SREBF1: variants seen among roughly 807,000 people sequenced by gnomAD.
SREBF1 encodes sterol regulatory element binding transcription factor 1.
A neutral mutation model predicts 100.1 loss-of-function variants in SREBF1; 45 were observed. The observed-to-expected ratio is 0.45, with a 90% CI of 0.35 to 0.58. SREBF1 has a LOEUF of 0.58. Ranked by LOEUF, SREBF1 falls within the 20% of genes least tolerant of loss-of-function variation. SREBF1 has a pLI of 0.00. For missense variants in SREBF1, 1,324 were observed against 1,539.4 expected (o/e 0.86, Z 2.34); for synonymous variants, 657 against 681.8 (o/e 0.96, Z 0.57).
At position 17,829,191 on chromosome 17, in the gene SREBF1, T is replaced by TAA. The variant is rs1253225038; in HGVS notation, c.91+7534_91+7535dup. 4.9e-4 allele frequency among the ~76,000 whole-genome samples: 22 copies of TAA among 44,940 alleles called. 1 individual carries two copies. Among genetic ancestry groups the TAA allele is most frequent in the Middle Eastern group, 0.02 (2 of 102 alleles). 29.5% of individuals were successfully genotyped at this position (44,940 alleles called of 152,430 possible). On this transcript the variant is annotated intron_variant, in intron 1 of 18. Coordinates refer to ENST00000261646, the MANE Select transcript of SREBF1 (RefSeq NM_004176.5). ...CTGGTGACAGAACGAGACTCCATCT[T>TAA]AAAAAAAAAAAAAAATATATATATA...
chr17:17,821,082 T>C (rs1016176699), intron 1 of SREBF1, among the ~76,000 whole-genome samples: 1 of 152,060 alleles, frequency 6.6e-6, no homozygotes, highest in Non-Finnish European at 1.5e-5. Context: ...ATGTGGATGG[T>C]GGTAAACTTT....
At chr17:17,833,666 T>C (rs1183607908) in intron 1 of SREBF1, among the ~76,000 whole-genome samples, 6 of 151,788 alleles carry the variant, frequency 4.0e-5, no homozygotes, top group African/African-American at 1.2e-4. Flanking sequence ...ACATAAAGTA[T>C]ACCTCAATAA....
Position 17,811,555 on chromosome 17 carries a change from G to T in SREBF1, c.*1067C>A, listed in dbSNP as rs926386884. 1.3e-5 allele frequency: 4 copies of T among 318,578 alleles called. No individual in the cohort carries two copies. Among genetic ancestry groups the T allele is most frequent in the African/African-American group, 4.7e-5 (2 of 42,254 alleles). The allele number at this position is 318,578 out of a possible 1,614,324, so 19.7% of individuals were successfully genotyped here. On this transcript the variant is annotated 3_prime_UTR_variant, in exon 19 of 19. Coordinates refer to ENST00000261646, the MANE Select transcript of SREBF1 (RefSeq NM_004176.5). The stretch of plus-strand genomic sequence containing the variant: ...AGGGGCTGGGGGGGGGGGCATGAAT[G>T]GAGTCAGGGAGTCGGCCTTTCACAG...
chr17:17,815,233 G>T lies in SREBF1; in HGVS notation c.2480C>A (p.Ala827Asp). Reference sequence around the variant, plus strand: ...CAACGACACTTACTTGTCCCCATCAGCTGACCCAGGGCTGGGGTTGGGCTG... The same window carrying T: ...CAACGACACTTACTTGTCCCCATCATCTGACCCAGGGCTGGGGTTGGGCTG... ...VTQPNPSPGS[A>D]DGDKEFSDAL... is the part of the protein sequence containing the mutation. Residue 827 changes from alanine to aspartate, a missense_variant, in exon 13 of 19, where the codon GCT becomes GAT. Coordinates refer to ENST00000261646, the MANE Select transcript of SREBF1 (RefSeq NM_004176.5). 6.2e-7 allele frequency: 1 copy of T among 1,613,490 alleles called. No homozygotes were observed. The highest frequency in any genetic ancestry group is 8.5e-7 in the Non-Finnish European group (1 of 1,179,860).
rs2033992919 is a variant in SREBF1, at chr17:17,820,211, G to T, written c.402C>A (p.Thr134=). ...EESVPLSILQ[T]PTPQPLPGAL... is the part of the protein sequence containing the mutation. ...CCCCTGGCAGGGGCTGTGGGGTGGG[G>T]GTCTGCAGGATGCTCAGTGGCACTG... Residue 134 remains threonine, a synonymous_variant, in exon 2 of 19, where the codon ACC becomes ACA. Coordinates refer to ENST00000261646, the MANE Select transcript of SREBF1 (RefSeq NM_004176.5). 8 of 1,613,562 alleles carry T rather than the reference G, an allele frequency of 5.0e-6. No individual in the cohort carries two copies. Among genetic ancestry groups the T allele is most frequent in the Non-Finnish European group, 6.8e-6 (8 of 1,179,908 alleles).
chr17:17,816,073 G>A (rs2033531998), intron 11 of SREBF1, 45 bp from the exon 12 acceptor site: 5 of 1,602,492 alleles, frequency 3.1e-6, no homozygotes, highest in East Asian at 2.2e-5. Context: ...ACAGCCTGGG[G>A]CCAGACCCCG....
rs750707066 is a variant in SREBF1 at position 17,817,363 on chromosome 17, C to G, written c.1499G>C (p.Cys500Ser). 3 of 1,607,552 alleles carry G rather than the reference C, an allele frequency of 1.9e-6. No homozygotes were observed. The highest frequency in any genetic ancestry group is 2.7e-5 in the African/African-American group (2 of 74,820). Residue 500 changes from cysteine to serine, a missense_variant, in exon 8 of 19, where the codon TGC (cysteine) becomes TCC (serine). Cys to Ser is a moderately radical substitution (Grantham distance 112). Transcript: ENST00000261646. The surrounding 1 kb of genome is among the most constrained non-coding windows in gnomAD (Gnocchi z 6.6). Reference sequence around the variant, plus strand: ...CCCCAGCAAGGAGGCCAAGGGGTTGCAGGACAGGCAGAGGAAGACGAGCGT... The same window carrying G: ...CCCCAGCAAGGAGGCCAAGGGGTTGGAGGACAGGCAGAGGAAGACGAGCGT... ...LCTLVFLCLS[C>S]NPLASLLGAR... is the part of the protein sequence containing the mutation.
chr17:17,831,736 C>T (rs1463493736), intron 1 of SREBF1, among the ~76,000 whole-genome samples: 1 of 152,210 alleles, frequency 6.6e-6, no homozygotes, highest in African/African-American at 2.4e-5. Flanking sequence ...TACTCTGAGG[C>T]CCAGAAGGAG....
Position 17,820,355 on chromosome 17 carries a change from G to A in SREBF1, c.258C>T (p.Phe86=), listed in dbSNP as rs762129149. The A allele has an allele frequency of 6.8e-6, 11 of 1,613,100 alleles. No individual in the cohort carries two copies. In the Admixed American group the frequency reaches 1.8e-4, roughly 27 times the overall value. ...PATLSSSLEA[F]LSGPQAAPSP... Reference sequence around the variant, plus strand: ...AGGGCGCTGCCTGCGGCCCGCTCAGGAAGGCTTCAAGAGAGGAGCTCAATG... The same window carrying A: ...AGGGCGCTGCCTGCGGCCCGCTCAGAAAGGCTTCAAGAGAGGAGCTCAATG... The change falls in exon 2 of 19, where the codon TTC becomes TTT. Residue 86 remains phenylalanine (F), a synonymous_variant. Coordinates refer to ENST00000261646, the MANE Select transcript of SREBF1 (RefSeq NM_004176.5).
At chr17:17,830,733 G>A (rs554120561) in intron 1 of SREBF1, among the ~76,000 whole-genome samples, 11 of 152,316 alleles carry the variant, frequency 7.2e-5, no homozygotes, top group African/African-American at 2.4e-4. Context: ...AACCCAGCAG[G>A]GGACCCACAC....
chr17:17,820,797 C>A, intron 1 of SREBF1: 1 of 503,020 alleles, frequency 2.0e-6, no homozygotes, highest in East Asian at 3.7e-5. Flanking sequence ...CACAATCTTG[C>A]CCCACAGCTA....
At chr17:17,816,124 C>T in intron 11 of SREBF1, 83 bp downstream of exon 11, 2 of 1,498,288 alleles carry the variant, frequency 1.3e-6, no homozygotes, top group Non-Finnish European at 1.8e-6. Flanking sequence ...CTGGTAACCA[C>T]TGCCACATCC....
chr17:17,829,781 G>A (rs1284476240), intron 1 of SREBF1, among the ~76,000 whole-genome samples: 1 of 152,110 alleles, frequency 6.6e-6, no homozygotes, highest in African/African-American at 2.4e-5. Flanking sequence ...CTCCTGAGTA[G>A]CTGGGACGAC....
chr17:17,835,117 GC>G (rs1340894996), intron 1 of SREBF1, among the ~76,000 whole-genome samples: 8 of 152,186 alleles, frequency 5.3e-5, no homozygotes, highest in Non-Finnish European at 1.0e-4. Flanking sequence ...GGGTGAGAGG[GC>G]TTGAGCAGGA....
In SREBF1 at chr17:17,817,768, G is replaced by A. The variant is rs1472661141; in HGVS notation, c.1332C>T (p.Gly444=). 2 of 1,613,806 alleles carry A rather than the reference G, an allele frequency of 1.2e-6. No individual in the cohort carries two copies. The highest frequency in any genetic ancestry group is 3.3e-5 in the Admixed American group (2 of 60,018). Residue 444 remains glycine (G), a synonymous_variant, in exon 7 of 19, where the codon GGC becomes GGT. Transcript: ENST00000261646. This position sits in a 1 kb window ranked among gnomAD's most constrained non-coding sequence, Gnocchi z 6.6. ...SPFQSSPLSL[G]SRGSGSGGSG... is the part of the protein sequence containing the mutation. ...TGCCACCGCTGCCACTGCCCCTGCT[G>A]CCAAGGGACAAGGGGCTGCTCTGGA...
rs2035280909 is a variant in SREBF1, at chr17:17,836,914, G to T, written c.-97C>A. ...GCGGCCCCGGCTCTCAGTCGCCGCC[G>T]CCGCTCCGCGCGTTCGTGTCCTGCC... is the stretch of plus-strand genomic sequence containing the variant. On this transcript the variant is annotated 5_prime_UTR_variant, in exon 1 of 19. Transcript: ENST00000261646. The T allele has an allele frequency of 1.7e-6, 2 of 1,162,810 alleles. No individual in the cohort carries two copies. Among genetic ancestry groups the T allele is most frequent in the East Asian group, 3.1e-5 (1 of 32,478 alleles). 72.0% of individuals were successfully genotyped at this position (1,162,810 alleles called of 1,614,324 possible). A position where few individuals can be genotyped will look rare whatever the true frequency, so the allele number is the denominator to read the frequency against.
rs967751211 is a variant in SREBF1, at chr17:17,817,144, C to G, written c.1607-8G>C. ...GGGCCCAGCCAGGGCCATCTATGGA[C>G]AGAGGGAAAGCTGGGGACACAGCTC... On this transcript the variant is annotated splice_polypyrimidine_tract_variant and splice_region_variant and intron_variant, in intron 8 of 18. Coordinates refer to ENST00000261646, the MANE Select transcript of SREBF1 (RefSeq NM_004176.5). This position sits in a 1 kb window ranked among gnomAD's most constrained non-coding sequence, Gnocchi z 6.6. 2 of 1,613,106 alleles carry G rather than the reference C, an allele frequency of 1.2e-6. No individual in the cohort carries two copies. The highest frequency in any genetic ancestry group is 8.5e-7 in the Non-Finnish European group (1 of 1,179,904).
intron 1 of SREBF1, among the ~76,000 whole-genome samples, chr17:17,831,940 G>A (rs1206018001): frequency 6.6e-6 from 1 of 152,232 alleles, no homozygotes; most frequent in African/African-American, 2.4e-5. Context: ...TGGCTCACCA[G>A]GGCTGGTTCC....
At chr17:17,835,176 C>T (rs2035152730) in intron 1 of SREBF1, among the ~76,000 whole-genome samples, 2 of 152,090 alleles carry the variant, frequency 1.3e-5, no homozygotes, top group South Asian at 4.1e-4. Flanking sequence ...GACCCCAAAG[C>T]GCATGTCCTC....
Sources: gnomAD v4.1 joint callset for allele counts (sites outside exome capture counted in the v4.1 genomes callset) on GRCh38, gnomAD v4.1.1 for gene constraint, Gnocchi (gnomAD v3.1) non-coding constraint, MANE v1.5 for transcripts, NCBI Gene and HGNC (gene_info 2026-07-23, HGNC 2026-07-21) for gene names.